Variants in GPC5 observed in about 807,000 individuals in gnomAD.
GPC5 encodes glypican 5.
In GPC5, 47 loss-of-function variants were observed where a neutral mutation model predicts 53.9. The observed-to-expected ratio is 0.87, with a 90% CI of 0.69 to 1.11. The LOEUF (loss-of-function observed/expected upper bound fraction) is 1.11, where lower values mean the gene tolerates loss of function less well. GPC5 is among the 50% of genes most tolerant of loss of function. The probability of loss-of-function intolerance (pLI) is 0.00; values close to 1 mark genes in which losing one functional copy is unlikely to be tolerated. For synonymous variants in GPC5, 286 were observed against 263.3 expected (o/e 1.09, Z -0.84); for missense variants, 748 against 713.1 (o/e 1.05, Z -0.56).
intron 6 of GPC5, among the ~76,000 whole-genome samples, chr13:91,968,417 T>C (rs111582668): frequency 0.024 from 3,599 of 152,240 alleles, 144 homozygotes; most frequent in African/African-American, 0.082. Flanking sequence ...AATTTAATAT[T>C]AATATATGTT....
At chr13:91,724,187 T>C (rs2036530608) in intron 3 of GPC5, among the ~76,000 whole-genome samples, 1 of 152,224 alleles carries the variant, frequency 6.6e-6, no homozygotes, top group African/African-American at 2.4e-5. Context: ...ATATGAGTTA[T>C]TTAATATAAT....
At chr13:91,653,622 A>G (rs1259546112) in intron 2 of GPC5, among the ~76,000 whole-genome samples, 1 of 152,118 alleles carries the variant, frequency 6.6e-6, no homozygotes, top group Non-Finnish European at 1.5e-5. Context: ...AACATAATCA[A>G]TCAAAGAATC....
chr13:91,453,736 C>T (rs1881347617), intron 2 of GPC5, among the ~76,000 whole-genome samples: 2 of 151,566 alleles, frequency 1.3e-5, no homozygotes, highest in South Asian at 4.1e-4. Context: ...TGGTACTTAG[C>T]AAGAAAATGG....
At chr13:92,554,165 G>A (rs988289203) in intron 7 of GPC5, among the ~76,000 whole-genome samples, 3 of 151,856 alleles carry the variant, frequency 2.0e-5, no homozygotes, top group Non-Finnish European at 4.4e-5. Context: ...TAACAAAGGT[G>A]GAAGTTGTAC....
At chr13:92,585,020 T>A (rs1305861916) in intron 7 of GPC5, among the ~76,000 whole-genome samples, 5 of 150,656 alleles carry the variant, frequency 3.3e-5, no homozygotes, top group Admixed American at 1.3e-4. Flanking sequence ...GTGGAGGGGG[T>A]AAGGGGGGGC....
chr13:92,787,329 A>C (rs1013816108), intron 7 of GPC5, among the ~76,000 whole-genome samples: 2 of 152,130 alleles, frequency 1.3e-5, no homozygotes, highest in Non-Finnish European at 2.9e-5. Flanking sequence ...TTATAAAAAG[A>C]ATACTATATT....
intron 2 of GPC5, among the ~76,000 whole-genome samples, chr13:91,529,386 T>TA (rs1180095088): frequency 6.6e-6 from 1 of 152,178 alleles, no homozygotes; most frequent in Non-Finnish European, 1.5e-5. Flanking sequence ...GAAGAGAAAG[T>TA]AAAATCATTA....
chr13:92,372,370 C>T (rs1421232386), intron 7 of GPC5, among the ~76,000 whole-genome samples: 4 of 152,036 alleles, frequency 2.6e-5, no homozygotes, highest in South Asian at 2.1e-4. Flanking sequence ...ATGTGAAAAT[C>T]GATAGATTGT....
intron 6 of GPC5, among the ~76,000 whole-genome samples, chr13:92,136,104 A>T (rs2041782140): frequency 6.6e-6 from 1 of 152,146 alleles, no homozygotes; most frequent in African/African-American, 2.4e-5. Context: ...AAAGGGAATT[A>T]TGCTCTAAAT....
intron 5 of GPC5, among the ~76,000 whole-genome samples, chr13:91,894,258 G>T (rs2039418228): frequency 6.6e-6 from 1 of 152,038 alleles, no homozygotes; most frequent in African/African-American, 2.4e-5. Flanking sequence ...TTGTTTGTTT[G>T]TTTGTTTGTT....
intron 6 of GPC5, among the ~76,000 whole-genome samples, chr13:92,121,949 C>A (rs1285677640): frequency 6.6e-6 from 1 of 152,156 alleles, no homozygotes; most frequent in African/African-American, 2.4e-5. Context: ...CATCCAATTA[C>A]CTCATTCGAT....
chr13:91,553,251 T>C (rs951947558), intron 2 of GPC5, among the ~76,000 whole-genome samples: 1 of 152,084 alleles, frequency 6.6e-6, no homozygotes, highest in African/African-American at 2.4e-5. Context: ...GAAACTCTAG[T>C]TTAATTCAGC....
intron 7 of GPC5, among the ~76,000 whole-genome samples, chr13:92,408,996 G>T (rs1194118017): frequency 6.6e-6 from 1 of 151,918 alleles, no homozygotes; most frequent in African/African-American, 2.4e-5. Flanking sequence ...TCGAAGGTTT[G>T]TACAGTAAAT....
chr13:91,753,254 G>T (rs973603986), intron 4 of GPC5, among the ~76,000 whole-genome samples: 1 of 152,174 alleles, frequency 6.6e-6, no homozygotes, highest in Non-Finnish European at 1.5e-5. Context: ...TTGGAAAGAT[G>T]AAAATATCAA....
chr13:92,764,672 C>T (rs909028806), intron 7 of GPC5, among the ~76,000 whole-genome samples: 1 of 152,124 alleles, frequency 6.6e-6, no homozygotes, highest in Non-Finnish European at 1.5e-5. Context: ...GGTGGCCTTC[C>T]TGGGTTTCAG....
At chr13:92,837,818 C>G (rs1020417624) in intron 7 of GPC5, among the ~76,000 whole-genome samples, 2 of 151,990 alleles carry the variant, frequency 1.3e-5, no homozygotes, top group Non-Finnish European at 2.9e-5. Flanking sequence ...TTAGGTCGGG[C>G]ACAGTGGCTC....
chr13:92,448,601 T>G (rs1415051501), intron 7 of GPC5: 1 of 152,054 alleles, frequency 6.6e-6, no homozygotes, highest in African/African-American at 2.4e-5. Flanking sequence ...TTAAAACTTA[T>G]TAGATGCTTT....
intron 6 of GPC5, among the ~76,000 whole-genome samples, chr13:92,061,695 T>C (rs964327587): frequency 6.6e-6 from 1 of 152,000 alleles, no homozygotes; most frequent in African/African-American, 2.4e-5. Context: ...AGAACAGTCA[T>C]GCTGTCTTGG....
At position 91,681,316 on chromosome 13, in the gene GPC5, C is replaced by T. The variant is rs116707914; in HGVS notation, c.326-11871C>T. Among the ~76,000 whole-genome samples, 1,265 of 152,250 alleles carry T rather than the reference C, an allele frequency of 8.3e-3. 18 individuals carry two copies. The highest frequency in any genetic ancestry group is 0.029 in the African/African-American group (1,193 of 41,540). Reference sequence around the variant, plus strand: ...TACCAATAGAGGGTATAAGAGAATGCGTCACCAGCTTTAGAAGCTAGAGTT... The same window carrying T: ...TACCAATAGAGGGTATAAGAGAATGTGTCACCAGCTTTAGAAGCTAGAGTT... On this transcript the variant is annotated intron_variant, in intron 2 of 7. Transcript: ENST00000377067.
Sources: gnomAD v4.1 joint callset for allele counts (sites outside exome capture counted in the v4.1 genomes callset) on GRCh38, gnomAD v4.1.1 for gene constraint, MANE v1.5 for transcripts, NCBI Gene and HGNC (gene_info 2026-07-23, HGNC 2026-07-21) for gene names.